MICAL2: variants seen among roughly 807,000 people sequenced by gnomAD.
MICAL2 encodes [F-actin]-monooxygenase MICAL2.
MICAL2 carries 77 observed loss-of-function variants against 127.3 expected under a neutral mutation model. That is an observed-to-expected ratio of 0.60 (90% CI 0.50 to 0.73). The LOEUF (loss-of-function observed/expected upper bound fraction) is 0.73. Among genes scored for constraint, MICAL2 ranks in the 30% least tolerant of loss-of-function variants. The probability of loss-of-function intolerance (pLI) is 0.00; values close to 1 mark genes in which losing one functional copy is unlikely to be tolerated. For synonymous variants in MICAL2, 570 were observed against 551.1 expected, an observed-to-expected ratio of 1.03 and a Z score of -0.48; for missense variants, 1,351 against 1,434.4, an observed-to-expected ratio of 0.94 and a Z score of 0.94.
At chr11:12,180,814 G>T (rs578088924) in intron 3 of MICAL2, among the ~76,000 whole-genome samples, 1 of 151,650 alleles carries the variant, frequency 6.6e-6, no homozygotes, top group South Asian at 2.1e-4. Flanking sequence ...AAATGGGAAA[G>T]ATATGAGATA....
intron 27 of MICAL2, chr11:12,263,142 A>G (rs937317721): frequency 6.6e-6 from 1 of 152,284 alleles, no homozygotes; most frequent in African/African-American, 2.4e-5. Context: ...TGCACTGTAG[A>G]CCCAAGGGTT....
chr11:12,319,223 A>G (rs1864264143), intron 29 of MICAL2, among the ~76,000 whole-genome samples: 1 of 152,140 alleles, frequency 6.6e-6, no homozygotes, highest in Admixed American at 6.6e-5. Context: ...AATGGGTGCC[A>G]GATGCTGTGA....
At chr11:12,134,471 C>T (rs1275789305) in intron 1 of MICAL2, among the ~76,000 whole-genome samples, 1 of 152,174 alleles carries the variant, frequency 6.6e-6, no homozygotes, top group East Asian at 1.9e-4. Context: ...AACTTCTTCT[C>T]CCAGGAAGGG....
chr11:12,169,880 G>A (rs1856017082), intron 3 of MICAL2, among the ~76,000 whole-genome samples: 1 of 152,236 alleles, frequency 6.6e-6, no homozygotes, highest in African/African-American at 2.4e-5. Flanking sequence ...GTGCAAGGGA[G>A]TACCAAGAAG....
At chr11:12,324,822 G>T (rs527907273) in intron 31 of MICAL2, among the ~76,000 whole-genome samples, 96 of 152,136 alleles carry the variant, frequency 6.3e-4, no homozygotes, top group African/African-American at 2.1e-3. Context: ...ACCCTTCCCC[G>T]TGGCTGACTT....
intron 23 of MICAL2, 141 bp from the exon 24 acceptor site, chr11:12,256,644 T>A: frequency 1.3e-6 from 1 of 758,222 alleles, no homozygotes; most frequent in Non-Finnish European, 2.1e-6. Context: ...TACCCCTCCC[T>A]CTTTGCTGCA....
intron 29 of MICAL2, among the ~76,000 whole-genome samples, chr11:12,310,293 T>C (rs868615432): frequency 6.6e-6 from 1 of 152,186 alleles, no homozygotes; most frequent in Non-Finnish European, 1.5e-5. Flanking sequence ...TTTTGTCTAG[T>C]AGCTTCATAG....
At position 12,162,194 on chromosome 11, in the gene MICAL2, G is replaced by A. The variant is rs200167774; in HGVS notation, c.39G>A (p.Gly13=). The A allele has an allele frequency of 3.7e-6, 6 of 1,614,210 alleles. No individual in the cohort carries two copies. Among genetic ancestry groups the A allele is most frequent in the African/African-American group, 2.7e-5 (2 of 75,042 alleles). The change falls in exon 3 of 28, where the codon GGG becomes GGA. Residue 13 remains glycine (G), a synonymous_variant. Transcript: ENST00000683283. ...ENEDEKQAQA[G]QVFENFVQAS... Reference sequence around the variant, plus strand: ...AGGATGAGAAGCAGGCCCAGGCGGGGCAGGTTTTTGAGAACTTTGTCCAGG... The same window carrying A: ...AGGATGAGAAGCAGGCCCAGGCGGGACAGGTTTTTGAGAACTTTGTCCAGG...
chr11:12,325,986 G>A (rs935819719), intron 31 of MICAL2, among the ~76,000 whole-genome samples: 1 of 152,202 alleles, frequency 6.6e-6, no homozygotes, highest in African/African-American at 2.4e-5. Flanking sequence ...ATTACAAATA[G>A]TTTTAAGTAG....
downstream of MICAL2, among the ~76,000 whole-genome samples, chr11:12,360,119 T>TAAAAAAA (rs369069433): frequency 0.052 from 7,554 of 144,858 alleles, 284 homozygotes; most frequent in Non-Finnish European, 0.073. Flanking sequence ...TTTTTTTTTT[T>TAAAAAAA]AAAAAAAAAA....
At chr11:12,293,024 G>C (rs1293491504), downstream of MICAL2, among the ~76,000 whole-genome samples, 1 of 152,170 alleles carries the variant, frequency 6.6e-6, no homozygotes, top group Non-Finnish European at 1.5e-5. Flanking sequence ...GGTCTTAAGG[G>C]CCATCCTTGT....
At chr11:12,259,772 C>G in intron 25 of MICAL2, 23 bp from the exon 26 acceptor site, 4 of 1,522,048 alleles carry the variant, frequency 2.6e-6, no homozygotes, top group Non-Finnish European at 3.5e-6. Context: ...AGACAAATGC[C>G]CTCATTTCCA....
chr11:12,244,099 C>G lies in MICAL2; in HGVS notation c.2771C>G (p.Ser924Cys). 1 of 1,614,246 alleles carries G rather than the reference C, an allele frequency of 6.2e-7. No individual in the cohort carries two copies. The highest frequency in any genetic ancestry group is 8.5e-7 in the Non-Finnish European group (1 of 1,180,036). Residue 924 changes from serine (S) to cysteine (C), a missense_variant, in exon 21 of 28, where the codon TCT becomes TGT. Ser to Cys is a moderately radical substitution (Grantham distance 112). Transcript: ENST00000683283. The stretch of plus-strand genomic sequence containing the variant: ...TCTCCATCAACTGTTGACTCTGCTT[C>G]TCCTGCCAGAAAGGTAGTTGTCCTG... ...SSSPSTVDSASPARKEKKSPS... is the reference protein window; with the variant it reads ...SSSPSTVDSACPARKEKKSPS...
chr11:12,270,687 G>A (rs975947775), intron 24 of MICAL2, among the ~76,000 whole-genome samples: 7 of 152,172 alleles, frequency 4.6e-5, no homozygotes, highest in Non-Finnish European at 7.3e-5. Context: ...TAGTTTTGCC[G>A]CTTTCTTTCT....
chr11:12,149,035 T>C (rs921632590), intron 2 of MICAL2, among the ~76,000 whole-genome samples: 2 of 152,220 alleles, frequency 1.3e-5, no homozygotes, highest in African/African-American at 4.8e-5. Flanking sequence ...CCAGTCTGCC[T>C]GACTCCAGAG....
chr11:12,325,177 T>C (rs1864340999), intron 31 of MICAL2, among the ~76,000 whole-genome samples: 2 of 152,150 alleles, frequency 1.3e-5, no homozygotes, highest in Non-Finnish European at 2.9e-5. Context: ...TGGTGTGATC[T>C]CAGTTCACTG....
At chr11:12,269,095 C>T (rs751642139) in intron 24 of MICAL2, among the ~76,000 whole-genome samples, 4 of 152,190 alleles carry the variant, frequency 2.6e-5, no homozygotes, top group Non-Finnish European at 4.4e-5. Context: ...CAACCCACAC[C>T]AGGCCCTGGC....
At chr11:12,324,007 G>C (rs765376269) in exon 31 of MICAL2, 1 of 1,611,326 alleles carries the variant, frequency 6.2e-7, no homozygotes. Flanking sequence ...GAAGAAAGAA[G>C]CTAGAAAAAG....
chr11:12,317,338 C>T (rs1324397923), intron 29 of MICAL2, among the ~76,000 whole-genome samples: 1 of 152,214 alleles, frequency 6.6e-6, no homozygotes, highest in African/African-American at 2.4e-5. Flanking sequence ...TTGCCTTTAT[C>T]ACAGTTCTGC....
Sources: allele counts gnomAD v4.1 joint callset (sites outside exome capture counted in the v4.1 genomes callset), GRCh38; gene constraint gnomAD v4.1.1; transcripts MANE v1.5; gene names NCBI Gene and HGNC (gene_info 2026-07-23, HGNC 2026-07-21).